The following POFUT3 variants were observed in gnomAD, a reference collection of about 807,000 sequenced individuals.
The protein encoded by POFUT3 is GDP-fucose protein O-fucosyltransferase 3.
chr8:33,407,952 C>T, the POFUT3 span, among the ~76,000 whole-genome samples: 8 of 141,774 alleles, frequency 5.6e-5, 1 homozygote, highest in Admixed American at 5.9e-4. Context: ...GGCACCACTG[C>T]ACTCCATCCT....
chr8:33,389,923 G>A, the POFUT3 span: 25 of 683,768 alleles, frequency 3.7e-5, no homozygotes, highest in East Asian at 4.9e-4. Flanking sequence ...GGCCGGGCAC[G>A]GTGGCTCACG....
At chr8:33,372,524 G>A in the POFUT3 span, 1 of 1,562,292 alleles carries the variant, frequency 6.4e-7, no homozygotes, top group Non-Finnish European at 8.6e-7. Context: ...AGGCAACCTA[G>A]AAAATAAACC....
chr8:33,460,177 A>G, the POFUT3 span, among the ~76,000 whole-genome samples: 85 of 139,652 alleles, frequency 6.1e-4, 3 homozygotes, highest in East Asian at 3.0e-3. Flanking sequence ...CAACAGAGTG[A>G]GACTCCACCT....
chr8:33,423,818 TAAAAAAAAAA>T, the POFUT3 span, among the ~76,000 whole-genome samples: 16 of 70,136 alleles, frequency 2.3e-4, no homozygotes, highest in South Asian at 8.1e-4. Flanking sequence ...GCACACCAAG[TAAAAAAAAAA>T]AAAAAAAAAA....
At chr8:33,462,169 G>GGAAGGGA in the POFUT3 span, among the ~76,000 whole-genome samples, 1 of 6,052 alleles carries the variant, frequency 1.7e-4, no homozygotes, top group Non-Finnish European at 2.8e-4. Flanking sequence ...AAGGGGAAGG[G>GGAAGGGA]ACCAGAGTGG....
the POFUT3 span, among the ~76,000 whole-genome samples, chr8:33,404,436 A>T: frequency 6.6e-6 from 1 of 152,094 alleles, no homozygotes; most frequent in East Asian, 1.9e-4. Flanking sequence ...TGGATAGGTG[A>T]GTTCACAAAG....
At chr8:33,390,021 C>G in the POFUT3 span, among the ~76,000 whole-genome samples, 1 of 152,052 alleles carries the variant, frequency 6.6e-6, no homozygotes, top group Non-Finnish European at 1.5e-5. Context: ...ATGGTGAAAC[C>G]CTGTCTCTGC....
chr8:33,460,393 A>G, the POFUT3 span, among the ~76,000 whole-genome samples: 1 of 152,166 alleles, frequency 6.6e-6, no homozygotes, highest in African/African-American at 2.4e-5. Context: ...TCCATGAATG[A>G]AGTTCGGAAT....
the POFUT3 span, among the ~76,000 whole-genome samples, chr8:33,348,207 C>A: frequency 6.6e-6 from 1 of 150,780 alleles, no homozygotes; most frequent in African/African-American, 2.4e-5. Context: ...ACAGAAAATG[C>A]CTCTGTTATT....
the POFUT3 span, among the ~76,000 whole-genome samples, chr8:33,413,336 G>A: frequency 2.6e-5 from 4 of 152,044 alleles, no homozygotes; most frequent in South Asian, 2.1e-4. Context: ...TCTCTCGGGC[G>A]CTCACTTGCT....
the POFUT3 span, chr8:33,389,543 A>C: frequency 3.1e-6 from 5 of 1,614,200 alleles, no homozygotes; most frequent in South Asian, 3.3e-5. Flanking sequence ...CAGCGGAGCA[A>C]GTCTTTTTCT....
chr8:33,395,183 T>C, the POFUT3 span, among the ~76,000 whole-genome samples: 1 of 152,186 alleles, frequency 6.6e-6, no homozygotes, highest in African/African-American at 2.4e-5. Context: ...GCAAGGGTTC[T>C]ACCCTCAAGC....
the POFUT3 span, among the ~76,000 whole-genome samples, chr8:33,334,906 C>G: frequency 6.6e-6 from 1 of 152,232 alleles, no homozygotes; most frequent in Non-Finnish European, 1.5e-5. Context: ...TATGACCCTA[C>G]ACCACAGTGA....
chr8:33,449,760 C>T, the POFUT3 span, among the ~76,000 whole-genome samples: 1 of 151,896 alleles, frequency 6.6e-6, no homozygotes, highest in Non-Finnish European at 1.5e-5. Flanking sequence ...TAGCCAACCA[C>T]TCTGCTTGAT....
chr8:33,349,723 G>T, the POFUT3 span, among the ~76,000 whole-genome samples: 3 of 152,136 alleles, frequency 2.0e-5, no homozygotes, highest in Admixed American at 2.0e-4. Context: ...TTGCAATTGT[G>T]AATTGTTCTG....
At chr8:33,445,614 A>G in the POFUT3 span, among the ~76,000 whole-genome samples, 2 of 152,296 alleles carry the variant, frequency 1.3e-5, no homozygotes, top group East Asian at 3.9e-4. Flanking sequence ...TGTTTCTCCA[A>G]CACAGAAGAG....
chr8:33,333,327 G>A, the POFUT3 span, among the ~76,000 whole-genome samples: 4 of 152,190 alleles, frequency 2.6e-5, no homozygotes, highest in East Asian at 7.7e-4. Flanking sequence ...AGGGAGGTAA[G>A]GAGGTCAGAC....
the POFUT3 span, among the ~76,000 whole-genome samples, chr8:33,317,720 A>T: frequency 1.3e-5 from 2 of 151,844 alleles, no homozygotes; most frequent in Admixed American, 6.6e-5. Context: ...CCCCAGCAAA[A>T]CTTCAGTGTG....
chr8:33,402,598 G>A, the POFUT3 span, among the ~76,000 whole-genome samples: 1 of 151,934 alleles, frequency 6.6e-6, no homozygotes, highest in African/African-American at 2.4e-5. Flanking sequence ...AGGATTTTTG[G>A]TCCACATTAA....
Sources: allele counts gnomAD v4.1 joint callset (sites outside exome capture counted in the v4.1 genomes callset), GRCh38; gene constraint gnomAD v4.1.1; transcripts MANE v1.5; gene names NCBI Gene and HGNC (gene_info 2026-07-23, HGNC 2026-07-21).